Variants in CDH12 observed in about 807,000 individuals in gnomAD.
CDH12 encodes cadherin-12.
Under a neutral mutation model 74.1 loss-of-function variants are expected in CDH12, and 41 were observed. The observed-to-expected ratio is 0.55, with a 90% confidence interval of 0.43 to 0.72. CDH12 has a LOEUF of 0.72. Among genes scored for constraint, CDH12 ranks in the 30% least tolerant of loss-of-function variants. CDH12 has a pLI of 0.00. For synonymous variants in CDH12, 399 were observed against 355.0 expected, an observed-to-expected ratio of 1.12 and a Z score of -1.39; for missense variants, 945 against 977.2, an observed-to-expected ratio of 0.97 and a Z score of 0.44.
chr5:22,427,531 C>A (rs1743991115), intron 2 of CDH12, among the ~76,000 whole-genome samples: 1 of 152,208 alleles, frequency 6.6e-6, no homozygotes, highest in African/African-American at 2.4e-5. Context: ...TAATACAGAG[C>A]TGTGTTCTAT....
chr5:22,437,294 T>C (rs116002275), intron 2 of CDH12, among the ~76,000 whole-genome samples: 370 of 151,938 alleles, frequency 2.4e-3, no homozygotes, highest in Non-Finnish European at 4.3e-3. Flanking sequence ...AAAAGTAATA[T>C]AATAATCAAT....
At chr5:21,843,054 G>A (rs1292529860) in intron 7 of CDH12, among the ~76,000 whole-genome samples, 1 of 151,996 alleles carries the variant, frequency 6.6e-6, no homozygotes, top group Non-Finnish European at 1.5e-5. Context: ...TTCCTGCCCT[G>A]GTGTCCAAGT....
intron 8 of CDH12, among the ~76,000 whole-genome samples, chr5:21,830,153 C>T (rs949445117): frequency 2.2e-5 from 3 of 135,102 alleles, no homozygotes; most frequent in African/African-American, 8.7e-5. Context: ...GAGTCAAGAT[C>T]CCACCATTAC....
chr5:21,963,914 C>T (rs1272022483), intron 6 of CDH12, among the ~76,000 whole-genome samples: 1 of 151,994 alleles, frequency 6.6e-6, no homozygotes, highest in Non-Finnish European at 1.5e-5. Context: ...CTCCTGTTTT[C>T]CTAGTTTCTA....
chr5:22,072,591 T>C (rs1742023642), intron 5 of CDH12, among the ~76,000 whole-genome samples: 2 of 151,806 alleles, frequency 1.3e-5, no homozygotes, highest in South Asian at 4.2e-4. Flanking sequence ...ATTATTATTA[T>C]ACTTTAAGTT....
At chr5:22,108,819 C>T (rs1017039519) in intron 4 of CDH12, among the ~76,000 whole-genome samples, 5 of 152,100 alleles carry the variant, frequency 3.3e-5, no homozygotes, top group Admixed American at 1.3e-4. Context: ...ACATTAGGCT[C>T]ATAATGAATT....
chr5:22,665,017 T>G (rs1023945284), intron 1 of CDH12, among the ~76,000 whole-genome samples: 1 of 152,156 alleles, frequency 6.6e-6, no homozygotes, highest in Non-Finnish European at 1.5e-5. Context: ...TTCACAGGCA[T>G]GATCATAAAT....
intron 3 of CDH12, among the ~76,000 whole-genome samples, chr5:22,344,117 G>A (rs1038855176): frequency 5.3e-5 from 8 of 152,174 alleles, no homozygotes; most frequent in African/African-American, 1.9e-4. Flanking sequence ...ATGGGGAAAA[G>A]AGTCTAGAGG....
At chr5:22,346,134 G>A (rs1580546844) in intron 3 of CDH12, among the ~76,000 whole-genome samples, 1 of 150,460 alleles carries the variant, frequency 6.6e-6, no homozygotes, top group Admixed American at 6.7e-5. Flanking sequence ...GGAGAATATG[G>A]AACTAGTTGT....
chr5:22,038,246 TG>T (rs963355999), intron 5 of CDH12, among the ~76,000 whole-genome samples: 83 of 152,276 alleles, frequency 5.5e-4, no homozygotes, highest in African/African-American at 1.9e-3. Context: ...CTCTGCCTGG[TG>T]GCCCAACACC....
intron 4 of CDH12, among the ~76,000 whole-genome samples, chr5:22,149,907 T>C (rs560732905): frequency 6.6e-6 from 1 of 152,074 alleles, no homozygotes; most frequent in Non-Finnish European, 1.5e-5. Flanking sequence ...AGGCAGAGAA[T>C]TGCTTGAACC....
At chr5:21,932,633 G>A (rs1186952328) in intron 6 of CDH12, among the ~76,000 whole-genome samples, 1 of 151,942 alleles carries the variant, frequency 6.6e-6, no homozygotes, top group African/African-American at 2.4e-5. Flanking sequence ...GGGTGCGCTG[G>A]CGCACGCCTG....
chr5:22,447,074 C>T (rs1292662857), intron 2 of CDH12, among the ~76,000 whole-genome samples: 1 of 152,036 alleles, frequency 6.6e-6, no homozygotes, highest in Non-Finnish European at 1.5e-5. Flanking sequence ...TTTTTCACTA[C>T]AAATAGGAAT....
At chr5:21,976,628 G>A (rs1416551950) in intron 5 of CDH12, among the ~76,000 whole-genome samples, 1 of 151,418 alleles carries the variant, frequency 6.6e-6, no homozygotes. Flanking sequence ...AACTATTCTT[G>A]CTCATTTGGG....
At chr5:22,717,160 AC>A (rs1481256928) in intron 1 of CDH12, among the ~76,000 whole-genome samples, 1 of 152,096 alleles carries the variant, frequency 6.6e-6, no homozygotes, top group Non-Finnish European at 1.5e-5. Flanking sequence ...CCTCACATTC[AC>A]CCACCTCTCA....
chr5:22,653,128 G>A (rs1313005396), intron 1 of CDH12, among the ~76,000 whole-genome samples: 1 of 152,088 alleles, frequency 6.6e-6, no homozygotes, highest in Admixed American at 6.6e-5. Flanking sequence ...TCAATAATAA[G>A]TAGCATTGTC....
chr5:22,261,180 A>T (rs1050566096), intron 3 of CDH12, among the ~76,000 whole-genome samples: 1 of 150,860 alleles, frequency 6.6e-6, no homozygotes, highest in Non-Finnish European at 1.5e-5. Context: ...TTCTACAGAA[A>T]TTTTTTTTTG....
intron 1 of CDH12, among the ~76,000 whole-genome samples, chr5:22,710,946 T>C (rs1204853817): frequency 6.6e-6 from 1 of 152,190 alleles, no homozygotes; most frequent in East Asian, 1.9e-4. Context: ...ATTTGCTTGT[T>C]ATGTAATGTA....
At chr5:22,587,545 T>C (rs915977546) in intron 1 of CDH12, among the ~76,000 whole-genome samples, 15 of 152,198 alleles carry the variant, frequency 9.9e-5, no homozygotes, top group Admixed American at 5.9e-4. Context: ...ACAGCTATAG[T>C]GTCTAGGATA....
Sources: gnomAD v4.1 joint callset for allele counts (sites outside exome capture counted in the v4.1 genomes callset) on GRCh38, gnomAD v4.1.1 for gene constraint, MANE v1.5 for transcripts, NCBI Gene and HGNC (gene_info 2026-07-23, HGNC 2026-07-21) for gene names.